RALYL: variants seen among roughly 807,000 people sequenced by gnomAD.
The protein encoded by RALYL is RNA-binding Raly-like protein.
Under a neutral mutation model 35.1 loss-of-function variants are expected in RALYL, and 29 were observed. The ratio of observed to expected loss-of-function variants is 0.83; its 90% CI spans 0.61 to 1.13. The LOEUF (loss-of-function observed/expected upper bound fraction) is 1.13, where lower values mean the gene tolerates loss of function less well. Ranked by LOEUF, RALYL falls within the 50% of genes most tolerant of loss-of-function variation. The probability of loss-of-function intolerance (pLI) is 0.00; values close to 1 mark genes in which losing one functional copy is unlikely to be tolerated. For missense variants in RALYL, 359 were observed against 360.4 expected (o/e 1.00, Z 0.03); for synonymous variants, 120 against 127.6 (o/e 0.94, Z 0.40).
At chr8:84,418,829 C>A (rs908882268) in intron 1 of RALYL, among the ~76,000 whole-genome samples, 4 of 152,264 alleles carry the variant, frequency 2.6e-5, no homozygotes, top group Admixed American at 2.0e-4. Context: ...CAACCTCTTG[C>A]ATCAGATGTT....
chr8:84,278,411 A>G (rs1182640960), intron 1 of RALYL, among the ~76,000 whole-genome samples: 3 of 152,236 alleles, frequency 2.0e-5, no homozygotes, highest in Non-Finnish European at 4.4e-5. Context: ...AGGAGCTGCC[A>G]TGAAGGTCTG....
chr8:84,429,151 G>A (rs2132638908), intron 1 of RALYL, among the ~76,000 whole-genome samples: 2 of 152,250 alleles, frequency 1.3e-5, no homozygotes, highest in South Asian at 4.1e-4. Context: ...ATATTCTATG[G>A]CTTAATGCTC....
intron 4 of RALYL, among the ~76,000 whole-genome samples, chr8:84,827,581 A>G (rs779642002): frequency 2.6e-5 from 4 of 152,144 alleles, no homozygotes; most frequent in Non-Finnish European, 4.4e-5. Flanking sequence ...ATTAAAATCA[A>G]TAAAATCAAA....
chr8:84,522,229 C>T (rs919522348), intron 1 of RALYL, among the ~76,000 whole-genome samples: 2 of 150,316 alleles, frequency 1.3e-5, no homozygotes, highest in African/African-American at 4.9e-5. Flanking sequence ...ATGCTTTATA[C>T]ACAAAATGAT....
At chr8:84,867,508 G>C (rs1159392461) in intron 6 of RALYL, among the ~76,000 whole-genome samples, 1 of 152,174 alleles carries the variant, frequency 6.6e-6, no homozygotes, top group African/African-American at 2.4e-5. Flanking sequence ...CTACAGTTCA[G>C]AGAAAATTAG....
intron 1 of RALYL, among the ~76,000 whole-genome samples, chr8:84,447,288 C>T (rs1587352718): frequency 6.6e-6 from 1 of 152,126 alleles, no homozygotes; most frequent in African/African-American, 2.4e-5. Context: ...TCTTCACCTA[C>T]TCAGGAACAC....
At chr8:84,322,632 A>G (rs76789499) in intron 1 of RALYL, among the ~76,000 whole-genome samples, 4,116 of 152,202 alleles carry the variant, frequency 0.027, 102 homozygotes, top group Non-Finnish European at 0.031. Flanking sequence ...CTCTTTAAAT[A>G]TGGAGTCAAG....
Position 84,719,804 on chromosome 8 carries a change from C to T in RALYL, c.257-54775C>T, listed in dbSNP as rs113270248. Among the ~76,000 whole-genome samples, 567 of 152,018 alleles carry T rather than the reference C, an allele frequency of 3.7e-3. 4 individuals are homozygous for T. Among genetic ancestry groups the T allele is most frequent in the African/African-American group, 0.013 (526 of 41,470 alleles). Reference sequence around the variant, plus strand: ...GGAGAACATTCAAAATTCTCTCTTCCACCTATTTTGAAATATATCATGCAA... The same window carrying T: ...GGAGAACATTCAAAATTCTCTCTTCTACCTATTTTGAAATATATCATGCAA... On this transcript the variant is annotated intron_variant, in intron 2 of 8. Coordinates refer to ENST00000521268, the MANE Select transcript of RALYL (RefSeq NM_173848.7).
chr8:84,227,720 A>T (rs1039102999), intron 1 of RALYL, among the ~76,000 whole-genome samples: 2 of 152,092 alleles, frequency 1.3e-5, no homozygotes, highest in Non-Finnish European at 2.9e-5. Flanking sequence ...ACTATTATGG[A>T]ATAATGTAAA....
intron 3 of RALYL, among the ~76,000 whole-genome samples, chr8:84,779,722 T>C (rs774856332): frequency 2.6e-5 from 4 of 152,162 alleles, no homozygotes; most frequent in Non-Finnish European, 5.9e-5. Flanking sequence ...ACTCCAATGA[T>C]AAAAAATAAC....
intron 1 of RALYL, among the ~76,000 whole-genome samples, chr8:84,363,644 T>C (rs1001880657): frequency 1.3e-5 from 2 of 152,146 alleles, no homozygotes; most frequent in Admixed American, 6.5e-5. Flanking sequence ...TTGATCTAAC[T>C]CTTTCTGCTT....
At chr8:84,279,172 A>C (rs1033151874) in intron 1 of RALYL, among the ~76,000 whole-genome samples, 1 of 152,178 alleles carries the variant, frequency 6.6e-6, no homozygotes, top group African/African-American at 2.4e-5. Context: ...GTCAGATGTC[A>C]TGAGAACTTA....
At chr8:84,356,468 G>A (rs78438380) in intron 1 of RALYL, among the ~76,000 whole-genome samples, 1 of 150,194 alleles carries the variant, frequency 6.7e-6, no homozygotes, top group South Asian at 2.1e-4. Flanking sequence ...GCTACAAAAT[G>A]GCTACAACAG....
intron 4 of RALYL, among the ~76,000 whole-genome samples, chr8:84,813,783 T>A (rs985736293): frequency 2.0e-5 from 3 of 152,154 alleles, no homozygotes; most frequent in East Asian, 3.9e-4. Flanking sequence ...ATACTTTAAG[T>A]TCTAGGGTAC....
intron 2 of RALYL, among the ~76,000 whole-genome samples, chr8:84,556,804 G>A (rs953565772): frequency 6.6e-6 from 1 of 152,070 alleles, no homozygotes; most frequent in Non-Finnish European, 1.5e-5. Flanking sequence ...GGGAAGAGCT[G>A]CTCTTTCAGC....
rs574507966 is a variant in RALYL at position 84,900,802 on chromosome 8, C to A, written c.858+13026C>A. 6.4e-4 allele frequency among the ~76,000 whole-genome samples: 98 copies of A among 152,162 alleles called. No individual in the cohort carries two copies. The South Asian group carries it at 0.018, about 28-fold the overall frequency. On this transcript the variant is annotated intron_variant, in intron 8 of 8. Coordinates refer to ENST00000521268, the MANE Select transcript of RALYL (RefSeq NM_173848.7). ...AGTGACCACAATGTTAGTGTCATAG[C>A]AAAAATAGCAATGGATGAAGTTAAA...
chr8:84,273,122 T>C (rs1300249719), intron 1 of RALYL, among the ~76,000 whole-genome samples: 1 of 152,262 alleles, frequency 6.6e-6, no homozygotes, highest in Non-Finnish European at 1.5e-5. Context: ...TATCTATTAC[T>C]ACACAATCAA....
At chr8:84,646,884 G>A (rs1040999108) in intron 2 of RALYL, among the ~76,000 whole-genome samples, 1 of 151,964 alleles carries the variant, frequency 6.6e-6, no homozygotes, top group Non-Finnish European at 1.5e-5. Flanking sequence ...TTTGGTATTT[G>A]TATTGAACTT....
intron 4 of RALYL, among the ~76,000 whole-genome samples, chr8:84,820,089 C>T (rs745590884): frequency 3.9e-5 from 6 of 152,158 alleles, no homozygotes; most frequent in Non-Finnish European, 7.3e-5. Context: ...TAAATCCACT[C>T]AACCCAGTAA....
Sources: allele counts gnomAD v4.1 joint callset (sites outside exome capture counted in the v4.1 genomes callset), GRCh38; gene constraint gnomAD v4.1.1; transcripts MANE v1.5; gene names NCBI Gene and HGNC (gene_info 2026-07-23, HGNC 2026-07-21).